AXL: variants seen among roughly 807,000 people sequenced by gnomAD.
AXL encodes AXL receptor tyrosine kinase.
Under a neutral mutation model 104.5 loss-of-function variants are expected in AXL, and 52 were observed. The observed-to-expected ratio is 0.50, with a 90% CI of 0.40 to 0.63. AXL has a LOEUF of 0.63. Ranked by LOEUF, AXL falls within the 20% of genes least tolerant of loss-of-function variation. The pLI, the probability that AXL is intolerant of heterozygous loss-of-function variation, is 0.00. For synonymous variants in AXL, 455 were observed against 473.7 expected, an observed-to-expected ratio of 0.96 and a Z score of 0.51; for missense variants, 1,024 against 1,188.5, an observed-to-expected ratio of 0.86 and a Z score of 2.04.
chr19:41,258,075 G>A (rs546677543), intron 19 of AXL, among the ~76,000 whole-genome samples: 2 of 152,344 alleles, frequency 1.3e-5, no homozygotes, highest in South Asian at 2.1e-4. Context: ...GGTCTCCTCT[G>A]AGATATTTGC....
chr19:41,260,297 ACTTTT>A lies in AXL; in HGVS notation c.*394_*398del. ...TTAAAGTGCTAAGGTTCTAAGGCCT[ACTTTT>A]TTTTTTTTTTTTTTTTTTTTTTTTT... On this transcript the variant is annotated 3_prime_UTR_variant, in exon 20 of 20. Transcript: ENST00000301178. The A allele has an allele frequency of 1.4e-5, 1 of 69,182 alleles. No homozygotes were observed. Among genetic ancestry groups the A allele is most frequent in the Admixed American group, 1.7e-4 (1 of 5,940 alleles). 4.3% of individuals were successfully genotyped at this position (69,182 alleles called of 1,614,324 possible).
At chr19:41,225,715 T>C (rs1230466364) in intron 4 of AXL, among the ~76,000 whole-genome samples, 1 of 152,154 alleles carries the variant, frequency 6.6e-6, no homozygotes, top group East Asian at 1.9e-4. Context: ...AGTCACGGTG[T>C]TTTTGTGTCA....
At chr19:41,246,709 G>A (rs2034277175) in intron 12 of AXL, among the ~76,000 whole-genome samples, 1 of 151,886 alleles carries the variant, frequency 6.6e-6, no homozygotes, top group African/African-American at 2.4e-5. Context: ...AGCGAGACTC[G>A]GTTTCAAAAA....
At chr19:41,222,100 A>T (rs2033802135) in intron 4 of AXL, 44 bp downstream of exon 4, 4 of 1,464,544 alleles carry the variant, frequency 2.7e-6, no homozygotes, top group African/African-American at 1.4e-5. Flanking sequence ...GGGGCCGGGC[A>T]GGGCTGAAGT....
chr19:41,227,144 CATTG>C (rs2033895512), intron 4 of AXL, among the ~76,000 whole-genome samples: 1 of 152,002 alleles, frequency 6.6e-6, no homozygotes, highest in Non-Finnish European at 1.5e-5. Flanking sequence ...CTAGCGCAGA[CATTG>C]TGTGTGTGTG....
intron 1 of AXL, 36 bp from the exon 2 acceptor site, chr19:41,220,600 G>T: frequency 1.3e-6 from 2 of 1,526,926 alleles, no homozygotes; most frequent in Non-Finnish European, 1.8e-6. Flanking sequence ...AGGAGCTGGG[G>T]GGTTCCTAAG....
chr19:41,228,970 A>G (rs1203607121), intron 4 of AXL, among the ~76,000 whole-genome samples: 2 of 148,430 alleles, frequency 1.3e-5, no homozygotes, highest in Non-Finnish European at 3.0e-5. Flanking sequence ...TTTTTTTGAG[A>G]CAGAGTTTCA....
At chr19:41,229,889 G>A (rs1414197019) in intron 4 of AXL, among the ~76,000 whole-genome samples, 1 of 152,088 alleles carries the variant, frequency 6.6e-6, no homozygotes, top group East Asian at 1.9e-4. Flanking sequence ...AGGTGTGTGT[G>A]CTCATACTTG....
intron 12 of AXL, 119 bp from the exon 13 acceptor site, chr19:41,248,395 T>G (rs1329107913): frequency 9.7e-7 from 1 of 1,027,070 alleles, no homozygotes; most frequent in Non-Finnish European, 1.5e-6. Flanking sequence ...GTTGCTAATT[T>G]TAAATCAGTG....
chr19:41,257,429 C>A, intron 18 of AXL, 64 bp from the exon 19 acceptor site: 1 of 1,603,856 alleles, frequency 6.2e-7, no homozygotes, highest in Middle Eastern at 1.7e-4. Context: ...TACCCATGAA[C>A]CTGGGTATTG....
At chr19:41,243,281 G>A (rs2034215020) in intron 11 of AXL, among the ~76,000 whole-genome samples, 2 of 152,224 alleles carry the variant, frequency 1.3e-5, no homozygotes, top group African/African-American at 4.8e-5. Context: ...TTAGCGGGAA[G>A]TGTAGGCACA....
chr19:41,260,298 C>CTTTTTTTTTATTTTTTTT lies in AXL; in HGVS notation c.*403_*404insATTTTTTTTTTTTTTTTT, dbSNP rs2034517952. On this transcript the variant is annotated 3_prime_UTR_variant, in exon 20 of 20. Coordinates refer to ENST00000301178, the MANE Select transcript of AXL (RefSeq NM_021913.5). ...TAAAGTGCTAAGGTTCTAAGGCCTACTTTTTTTTTTTTTTTTTTTTTTTTT... is the reference window on the plus strand; with the variant it reads ...TAAAGTGCTAAGGTTCTAAGGCCTACTTTTTTTTTATTTTTTTTTTTTTTTTTTTTTTTTTTTTTTTTT... 2.1e-5 allele frequency: 1 copy of CTTTTTTTTTATTTTTTTT among 48,572 alleles called. No homozygotes were observed. Among genetic ancestry groups the CTTTTTTTTTATTTTTTTT allele is most frequent in the African/African-American group, 8.5e-5 (1 of 11,730 alleles). 3.0% of individuals were successfully genotyped at this position (48,572 alleles called of 1,614,324 possible). A position where few individuals can be genotyped will look rare whatever the true frequency, so the allele number is the denominator to read the frequency against.
intron 19 of AXL, among the ~76,000 whole-genome samples, chr19:41,258,581 A>AT (rs2034489189): frequency 2.0e-5 from 3 of 151,872 alleles, no homozygotes; most frequent in Admixed American, 1.3e-4. Flanking sequence ...TGCCCAGCTA[A>AT]TTTTTTTTGT....
rs374699228 is a variant in AXL at position 41,237,978 on chromosome 19, C to A, written c.818C>A (p.Ala273Glu). 1 of 1,613,840 alleles carries A rather than the reference C, an allele frequency of 6.2e-7. No individual in the cohort carries two copies. Among genetic ancestry groups the A allele is most frequent in the Non-Finnish European group, 8.5e-7 (1 of 1,179,912 alleles). Residue 273 changes from alanine to glutamate, a missense_variant, in exon 7 of 20, where the codon GCG becomes GAG. Physicochemically the swap from Ala to Glu is moderately radical, Grantham distance 107 (BLOSUM62 -1). This residue lies in a region of AXL where 332 missense variants were observed against 343.9 expected (regional missense o/e 0.97). Coordinates refer to ENST00000301178, the MANE Select transcript of AXL (RefSeq NM_021913.5). ...VLSDDGMGIQ[A>E]GEPDPPEEPL... ...TCAGACGATGGGATGGGCATCCAGG[C>A]GGGAGAACCAGACCCCCCAGAGGAG...
At position 41,257,563 on chromosome 19, in the gene AXL, G is replaced by A; in HGVS notation, c.2267G>A (p.Ser756Asn). 1.2e-6 allele frequency: 2 copies of A among 1,614,204 alleles called. No individual in the cohort carries two copies. The highest frequency in any genetic ancestry group is 1.7e-6 in the Non-Finnish European group (2 of 1,180,038). Reference sequence around the variant, plus strand: ...ACCCCATATCCGGGCGTGGAGAACAGCGAGATTTATGACTATCTGCGCCAG... The same window carrying A: ...ACCCCATATCCGGGCGTGGAGAACAACGAGATTTATGACTATCTGCGCCAG... ...GQTPYPGVEN[S>N]EIYDYLRQGN... The change falls in exon 19 of 20, where the codon AGC becomes AAC. Residue 756 changes from serine (S) to asparagine (N), a missense_variant. By Grantham distance (46) the Ser-to-Asn change is conservative. This residue lies in a region of AXL where 523 missense variants were observed against 636.0 expected (regional missense o/e 0.82). Transcript: ENST00000301178.
intron 3 of AXL, 123 bp downstream of exon 3, chr19:41,221,369 C>G: frequency 1.3e-6 from 1 of 788,760 alleles, no homozygotes; most frequent in Non-Finnish European, 2.0e-6. Context: ...ATGAACCTAG[C>G]GTCATACAGC....
intron 10 of AXL, among the ~76,000 whole-genome samples, chr19:41,241,364 C>T (rs940021382): frequency 1.3e-5 from 2 of 151,904 alleles, no homozygotes; most frequent in Middle Eastern, 3.4e-3. Context: ...CCAACATTGG[C>T]GAAAACCCAT....
intron 10 of AXL, 21 bp from the exon 11 acceptor site, chr19:41,242,862 G>T (rs779149364): frequency 1.6e-5 from 26 of 1,613,898 alleles, no homozygotes; most frequent in Non-Finnish European, 2.1e-5. Context: ...TCCATGACCT[G>T]TTCCTCATAC....
intron 5 of AXL, 26 bp downstream of exon 5, chr19:41,231,073 T>A (rs1446738822): frequency 6.2e-7 from 1 of 1,613,190 alleles, no homozygotes; most frequent in Non-Finnish European, 8.5e-7. Flanking sequence ...GGTGGGGAGC[T>A]GGGCGTCAGA....
Sources: gnomAD v4.1 joint callset for allele counts (sites outside exome capture counted in the v4.1 genomes callset) on GRCh38, gnomAD v4.1.1 for gene constraint, gnomAD v4.1.1 regional missense constraint, MANE v1.5 for transcripts, NCBI Gene and HGNC (gene_info 2026-07-23, HGNC 2026-07-21) for gene names.